Variants in HDAC8 observed in about 807,000 individuals in gnomAD.
HDAC8 encodes the protein histone deacetylase 8, also known as histone deacetylase-like 1.
A neutral mutation model predicts 32.2 loss-of-function variants in HDAC8; 1 was observed. The observed-to-expected ratio is 0.03, with a 90% CI of 0.01 to 0.15. HDAC8 has a LOEUF of 0.15. Among genes scored for constraint, HDAC8 ranks in the 10% least tolerant of loss-of-function variants. The probability of loss-of-function intolerance (pLI) is 1.00; values close to 1 mark genes in which losing one functional copy is unlikely to be tolerated. For synonymous variants in HDAC8, 108 were observed against 113.9 expected (o/e 0.95, Z 0.33); for missense variants, 117 against 300.0 (o/e 0.39, Z 4.51).
intron 4 of HDAC8, among the ~76,000 whole-genome samples, chrX:72,552,855 A>G (rs1556077608): frequency 9.1e-6 from 1 of 109,475 alleles, no homozygotes; most frequent in African/African-American, 3.3e-5. Context: ...CACATACCCA[A>G]TATCACCATC....
chrX:72,402,418 T>C lies in HDAC8; in HGVS notation c.1006-50580A>G, dbSNP rs1283642667. On this transcript the variant is annotated intron_variant, in intron 9 of 10. Coordinates refer to ENST00000373573, the MANE Select transcript of HDAC8 (RefSeq NM_018486.3). ...TGGGTTTAGTGTGTTCTTTTCTTTT[T>C]TTTTTTTTTTTAAGTTTCTTAAAGT... Among the ~76,000 whole-genome samples, 14 of 89,108 alleles carry C rather than the reference T, an allele frequency of 1.6e-4. No homozygotes were observed. In the East Asian group the frequency reaches 2.1e-3, roughly 13 times the overall value. 77.4% of individuals were successfully genotyped at this position (89,108 alleles called of 115,157 possible). A position where few individuals can be genotyped will look rare whatever the true frequency, so the allele number is the denominator to read the frequency against.
intron 4 of HDAC8, among the ~76,000 whole-genome samples, chrX:72,529,680 T>C (rs2050267528): frequency 8.9e-6 from 1 of 112,338 alleles, no homozygotes; most frequent in South Asian, 3.7e-4. Context: ...CAGTACTCAA[T>C]ACACATTTGT....
intron 9 of HDAC8, among the ~76,000 whole-genome samples, chrX:72,355,821 C>T (rs984822437): frequency 2.8e-4 from 31 of 112,008 alleles, no homozygotes; most frequent in Admixed American, 2.4e-3. Flanking sequence ...AACCAAGCAA[C>T]GAACCTGAAT....
chrX:72,398,001 C>T (rs2045806092), intron 9 of HDAC8, among the ~76,000 whole-genome samples: 1 of 111,991 alleles, frequency 8.9e-6, no homozygotes, highest in Non-Finnish European at 1.9e-5. Flanking sequence ...AAAGTATACA[C>T]ATGTTGAAAG....
At chrX:72,436,943 T>A (rs2046967016) in intron 9 of HDAC8, among the ~76,000 whole-genome samples, 1 of 112,070 alleles carries the variant, frequency 8.9e-6, no homozygotes, top group Non-Finnish European at 1.9e-5. Context: ...TACAAATTGA[T>A]ACACTTAAGA....
chrX:72,423,045 A>G (rs1384987669), intron 9 of HDAC8, among the ~76,000 whole-genome samples: 2 of 111,511 alleles, frequency 1.8e-5, no homozygotes, highest in Non-Finnish European at 3.8e-5. Context: ...AAACCTGCAC[A>G]TGTACCCCTG....
chrX:72,547,769 T>A (rs1375614795), intron 4 of HDAC8, among the ~76,000 whole-genome samples: 1 of 111,921 alleles, frequency 8.9e-6, no homozygotes, highest in Non-Finnish European at 1.9e-5. Flanking sequence ...TACTGCTTAG[T>A]GTTCCTCTGA....
chrX:72,445,122 G>A (rs1555984078), intron 9 of HDAC8, among the ~76,000 whole-genome samples: 1 of 110,408 alleles, frequency 9.1e-6, no homozygotes, highest in East Asian at 2.8e-4. Context: ...GTAATTTACA[G>A]ATTCAATGCC....
At chrX:72,572,416 T>C (rs1603245864) in intron 1 of HDAC8, 1 of 396,693 alleles carries the variant, frequency 2.5e-6, no homozygotes, top group Non-Finnish European at 4.3e-6. Flanking sequence ...CCCTCCTCCG[T>C]ACCCCCTCCC....
intron 7 of HDAC8, among the ~76,000 whole-genome samples, chrX:72,480,269 G>C (rs1347582910): frequency 8.9e-6 from 1 of 112,592 alleles, no homozygotes; most frequent in Admixed American, 9.4e-5. Context: ...GTGAGCTAGT[G>C]ATTATCAAGG....
chrX:72,446,356 TA>T (rs2047395910), intron 9 of HDAC8, among the ~76,000 whole-genome samples: 1 of 111,576 alleles, frequency 9.0e-6, no homozygotes, highest in East Asian at 2.8e-4. Flanking sequence ...TATGCAGCCA[TA>T]AAAAATGATG....
At chrX:72,446,506 AG>A (rs1418326534) in intron 9 of HDAC8, among the ~76,000 whole-genome samples, 1 of 109,413 alleles carries the variant, frequency 9.1e-6, no homozygotes, top group African/African-American at 3.3e-5. Flanking sequence ...GGACACAGGA[AG>A]GGGAACATCA....
intron 9 of HDAC8, among the ~76,000 whole-genome samples, chrX:72,368,099 T>G (rs188060889): frequency 2.6e-4 from 29 of 112,775 alleles, no homozygotes; most frequent in Admixed American, 2.3e-3. Context: ...TGACCTTAAA[T>G]TATTAAGGCC....
chrX:72,338,601 T>A (rs1221405654), intron 10 of HDAC8, among the ~76,000 whole-genome samples: 1 of 104,489 alleles, frequency 9.6e-6, no homozygotes, highest in African/African-American at 3.5e-5. Flanking sequence ...TTTAGGAATG[T>A]TTTTATATCT....
At chrX:72,352,548 G>A (rs782139350) in intron 9 of HDAC8, among the ~76,000 whole-genome samples, 1 of 111,550 alleles carries the variant, frequency 9.0e-6, no homozygotes, top group Non-Finnish European at 1.9e-5. Context: ...CCCGAAGGCA[G>A]GCAGCACCTG....
intron 10 of HDAC8, among the ~76,000 whole-genome samples, chrX:72,349,438 C>G (rs1395582120): frequency 1.8e-5 from 2 of 112,599 alleles, no homozygotes; most frequent in African/African-American, 6.5e-5. Flanking sequence ...CAAAATGCTG[C>G]TAAGCCATGT....
intron 4 of HDAC8, among the ~76,000 whole-genome samples, chrX:72,562,345 C>G (rs1300678278): frequency 2.7e-5 from 3 of 112,468 alleles, no homozygotes; most frequent in African/African-American, 9.7e-5. Context: ...GAATACTACT[C>G]AGCCATAAAA....
At chrX:72,335,676 T>G (rs1465077978) in intron 10 of HDAC8, among the ~76,000 whole-genome samples, 3 of 111,063 alleles carry the variant, frequency 2.7e-5, no homozygotes, top group Non-Finnish European at 5.7e-5. Flanking sequence ...TTTGGGAGGC[T>G]GAGGCGGGAG....
At chrX:72,498,364 G>A (rs1268281902) in intron 4 of HDAC8, among the ~76,000 whole-genome samples, 1 of 111,435 alleles carries the variant, frequency 9.0e-6, no homozygotes, top group Non-Finnish European at 1.9e-5. Flanking sequence ...ATTGTATGCT[G>A]TATGGAACGT....
Sources: allele counts gnomAD v4.1 joint callset (sites outside exome capture counted in the v4.1 genomes callset), GRCh38; gene constraint gnomAD v4.1.1; transcripts MANE v1.5; gene names NCBI Gene and HGNC (gene_info 2026-07-23, HGNC 2026-07-21).